Variants in ZHX3 observed in about 807,000 individuals in gnomAD.
The protein encoded by ZHX3 is zinc fingers and homeoboxes protein 3.
In ZHX3, 20 loss-of-function variants were observed where a neutral mutation model predicts 64.5. That is an observed-to-expected ratio of 0.31 (90% CI 0.22 to 0.45). ZHX3 has a LOEUF of 0.45. ZHX3 is among the 20% of genes least tolerant of loss of function. The pLI is 1.00. For missense variants in ZHX3, 1,041 were observed against 1,195.8 expected, an observed-to-expected ratio of 0.87 and a Z score of 1.91; for synonymous variants, 423 against 461.6, an observed-to-expected ratio of 0.92 and a Z score of 1.07.
chr20:41,305,986 T>C (rs947366746), intron 1 of ZHX3, among the ~76,000 whole-genome samples: 1 of 152,128 alleles, frequency 6.6e-6, no homozygotes, highest in African/African-American at 2.4e-5. Context: ...TATATATCCA[T>C]TGTTGTAATA....
intron 2 of ZHX3, chr20:41,239,685 C>G (rs372476879): frequency 6.6e-6 from 1 of 152,188 alleles, no homozygotes; most frequent in Admixed American, 6.5e-5. Flanking sequence ...ACAAACATTC[C>G]CTGTTTCCTA....
rs918627811 is a variant in ZHX3 at position 41,247,159 on chromosome 20, T to G, written c.-151+21831A>C. On this transcript the variant is annotated intron_variant, in intron 2 of 3. Transcript: ENST00000683867. Reference sequence around the variant, plus strand: ...CCTCATGCCTGCAGTTCCAGCTACTTGGCGGGGCTGAGACAGGAGGATTGC... The same window carrying G: ...CCTCATGCCTGCAGTTCCAGCTACTGGGCGGGGCTGAGACAGGAGGATTGC... 5.3e-5 allele frequency among the ~76,000 whole-genome samples: 8 copies of G among 152,158 alleles called. No homozygotes were observed. In the Middle Eastern group the frequency reaches 0.01, roughly 194 times the overall value.
chr20:41,266,135 T>C (rs1158908224), intron 2 of ZHX3, among the ~76,000 whole-genome samples: 1 of 152,240 alleles, frequency 6.6e-6, no homozygotes, highest in East Asian at 1.9e-4. Context: ...TATTAATTGC[T>C]GAGTCAGATG....
intron 2 of ZHX3, among the ~76,000 whole-genome samples, chr20:41,205,697 C>A (rs1242140592): frequency 6.6e-6 from 1 of 152,184 alleles, no homozygotes; most frequent in Non-Finnish European, 1.5e-5. Flanking sequence ...TGTTATGTAT[C>A]CCGGACCACT....
intron 1 of ZHX3, among the ~76,000 whole-genome samples, chr20:41,306,694 A>G (rs1203579051): frequency 6.6e-6 from 1 of 152,252 alleles, no homozygotes; most frequent in African/African-American, 2.4e-5. Context: ...ATTGCCAAAT[A>G]TCTTGGCTTT....
intron 2 of ZHX3, among the ~76,000 whole-genome samples, chr20:41,235,827 A>C (rs2040941433): frequency 6.6e-6 from 1 of 152,174 alleles, no homozygotes; most frequent in Non-Finnish European, 1.5e-5. Context: ...GAGGAAGTCA[A>C]ATTGTCCCTG....
At chr20:41,199,486 T>A (rs1301951108) in intron 3 of ZHX3, among the ~76,000 whole-genome samples, 2 of 152,108 alleles carry the variant, frequency 1.3e-5, no homozygotes, top group Non-Finnish European at 2.9e-5. Context: ...CAGTGAAGTT[T>A]CTGTTGTGAT....
intron 3 of ZHX3, among the ~76,000 whole-genome samples, chr20:41,194,858 TATC>T (rs2037353461): frequency 6.6e-6 from 1 of 152,164 alleles, no homozygotes; most frequent in Non-Finnish European, 1.5e-5. Context: ...TCTCTTATAA[TATC>T]ATATTCATGT....
chr20:41,242,179 T>C (rs1169131033), intron 2 of ZHX3, among the ~76,000 whole-genome samples: 1 of 152,222 alleles, frequency 6.6e-6, no homozygotes, highest in African/African-American at 2.4e-5. Flanking sequence ...TGTCAGGCAC[T>C]GTGCTTTACA....
chr20:41,304,456 C>G (rs745920613), intron 1 of ZHX3, among the ~76,000 whole-genome samples: 4 of 152,172 alleles, frequency 2.6e-5, no homozygotes, highest in African/African-American at 7.2e-5. Flanking sequence ...GCTAAAACCA[C>G]AGCAAGCATC....
intron 3 of ZHX3, among the ~76,000 whole-genome samples, chr20:41,197,454 GATT>G (rs1376213981): frequency 2.0e-5 from 3 of 148,640 alleles, no homozygotes; most frequent in Non-Finnish European, 3.0e-5. Context: ...AGAAAAAACA[GATT>G]ATTTTGTCTG....
chr20:41,212,815 A>G lies in ZHX3; in HGVS notation c.-150-7749T>C, dbSNP rs1490669097. Among the ~76,000 whole-genome samples, 1 of 151,882 alleles carries G rather than the reference A, an allele frequency of 6.6e-6. No homozygotes were observed. Among genetic ancestry groups the G allele is most frequent in the African/African-American group, 2.4e-5 (1 of 41,380 alleles). On this transcript the variant is annotated intron_variant, in intron 2 of 3. Coordinates refer to ENST00000683867, the MANE Select transcript of ZHX3 (RefSeq NM_001384317.1). This position sits in a 1 kb window ranked among gnomAD's most constrained non-coding sequence, Gnocchi z 4.3. ...TGTGTCTCAAAAAAAAAAAACCAAA[A>G]ACAAAACAAAACAAAAAAAACAAAA...
rs117788627 is a variant in ZHX3, at chr20:41,279,222, C to T, written c.-244-10139G>A. On this transcript the variant is annotated intron_variant, in intron 1 of 3. Coordinates refer to ENST00000683867, the MANE Select transcript of ZHX3 (RefSeq NM_001384317.1). ...TTGCCAAACTGCACTGAGTATTGTA[C>T]AACTTTGCATTCCACAAGAAGTATA... Among the ~76,000 whole-genome samples, 30 of 152,188 alleles carry T rather than the reference C, an allele frequency of 2.0e-4. 1 individual carries two copies. The East Asian group carries it at 5.8e-3, about 29-fold the overall frequency.
chr20:41,240,449 A>G (rs989916262), intron 2 of ZHX3, among the ~76,000 whole-genome samples: 1 of 152,154 alleles, frequency 6.6e-6, no homozygotes, highest in Non-Finnish European at 1.5e-5. Context: ...GGGTTACATG[A>G]GATATTTTGG....
Position 41,258,048 on chromosome 20 carries a change from C to A in ZHX3, c.-151+10942G>T, listed in dbSNP as rs55753098. 7.2e-3 allele frequency among the ~76,000 whole-genome samples: 1,093 copies of A among 150,942 alleles called. 11 individuals carry two copies. Among genetic ancestry groups the A allele is most frequent in the African/African-American group, 0.025 (1,047 of 41,094 alleles). On this transcript the variant is annotated intron_variant, in intron 2 of 3. Transcript: ENST00000683867. The stretch of plus-strand genomic sequence containing the variant: ...CTGAGTAGCTGGGTTTACAGGCACC[C>A]GCCACCATGCCCAGATAATTTTTGT...
chr20:41,202,526 G>A lies in ZHX3; in HGVS notation c.2391C>T (p.Ile797=), dbSNP rs767815189. 6.8e-6 allele frequency: 11 copies of A among 1,614,088 alleles called. No individual in the cohort carries two copies. The highest frequency in any genetic ancestry group is 9.3e-6 in the Non-Finnish European group (11 of 1,180,050). The change falls in exon 3 of 4, where the codon ATC becomes ATT. Residue 797 remains isoleucine, a synonymous_variant. Coordinates refer to ENST00000683867, the MANE Select transcript of ZHX3 (RefSeq NM_001384317.1). The surrounding 1 kb of genome is among the most constrained non-coding windows in gnomAD (Gnocchi z 7.0). The part of the protein sequence containing the change: ...QWPSNQDYDS[I]MAQTGLPRPE... ...GCCGTGGCAGACCCGTCTGGGCCAT[G>A]ATGGAGTCATAGTCCTGGTTGCTTG...
chr20:41,225,878 A>G lies in ZHX3; in HGVS notation c.-150-20812T>C, dbSNP rs187851894. On this transcript the variant is annotated intron_variant, in intron 2 of 3. Coordinates refer to ENST00000683867, the MANE Select transcript of ZHX3 (RefSeq NM_001384317.1). ...ATGCCCAGAACTTTTTAATCTTGCA[A>G]AAGATGCAAATACTATACCCATCAA... Among the ~76,000 whole-genome samples, 13 of 152,298 alleles carry G rather than the reference A, an allele frequency of 8.5e-5. No homozygotes were observed. The East Asian group carries it at 2.3e-3, about 27-fold the overall frequency.
intron 2 of ZHX3, among the ~76,000 whole-genome samples, chr20:41,223,596 C>T (rs892862683): frequency 4.6e-5 from 7 of 152,110 alleles, no homozygotes; most frequent in African/African-American, 9.7e-5. Context: ...AGAAATACCT[C>T]GAGAAAAATA....
rs2040383174 is a variant in ZHX3, at chr20:41,228,133, C to T, written c.-150-23067G>A. ...TAAGACCCACACCTCTATAACCTCT[C>T]CAAAGGGAGCAAACTCATGCCCAGG... is the stretch of plus-strand genomic sequence containing the variant. On this transcript the variant is annotated intron_variant, in intron 2 of 3. Transcript: ENST00000683867. The surrounding 1 kb of genome is among the most constrained non-coding windows in gnomAD (Gnocchi z 4.6). Among the ~76,000 whole-genome samples the T allele has an allele frequency of 6.6e-6, 1 of 152,142 alleles. No homozygotes were observed. Among genetic ancestry groups the T allele is most frequent in the East Asian group, 1.9e-4 (1 of 5,192 alleles).
Sources: gnomAD v4.1 joint callset for allele counts (sites outside exome capture counted in the v4.1 genomes callset) on GRCh38, gnomAD v4.1.1 for gene constraint, Gnocchi (gnomAD v3.1) non-coding constraint, MANE v1.5 for transcripts, NCBI Gene and HGNC (gene_info 2026-07-23, HGNC 2026-07-21) for gene names.